The following RANBP17 variants were observed in gnomAD, a reference collection of about 807,000 sequenced individuals.
The protein encoded by RANBP17 is RAN binding protein 17, also known as ran-binding protein 17.
RANBP17 carries 158 observed loss-of-function variants against 141.2 expected under a neutral mutation model. The ratio of observed to expected loss-of-function variants is 1.12; its 90% CI spans 0.98 to 1.28. The LOEUF (loss-of-function observed/expected upper bound fraction) is 1.28, where lower values mean the gene tolerates loss of function less well. RANBP17 is among the 50% of genes most tolerant of loss of function. RANBP17 has a pLI of 0.00. For synonymous variants in RANBP17, 430 were observed against 450.0 expected (o/e 0.96, Z 0.56); for missense variants, 1,438 against 1,290.7 (o/e 1.11, Z -1.75).
chr5:170,961,053 C>A (rs1383247500), intron 13 of RANBP17, among the ~76,000 whole-genome samples: 1 of 152,042 alleles, frequency 6.6e-6, no homozygotes, highest in African/African-American at 2.4e-5. Context: ...GCCCCCTGCC[C>A]CTTTAGATGG....
intron 14 of RANBP17, among the ~76,000 whole-genome samples, chr5:171,153,748 C>T (rs1322955460): frequency 6.6e-6 from 1 of 152,144 alleles, no homozygotes; most frequent in African/African-American, 2.4e-5. Context: ...TCCACTTTTC[C>T]ATTCAAGATT....
intron 14 of RANBP17, among the ~76,000 whole-genome samples, chr5:171,028,431 C>G (rs1781356735): frequency 6.6e-6 from 1 of 152,028 alleles, no homozygotes; most frequent in South Asian, 2.1e-4. Flanking sequence ...AAGTTAACCT[C>G]TGTAAGATAT....
intron 5 of RANBP17, chr5:170,903,468 A>G (rs901968884): frequency 6.2e-6 from 1 of 161,970 alleles, no homozygotes; most frequent in Non-Finnish European, 1.4e-5. Context: ...TCCCTGGCTT[A>G]GCCCCCTTTC....
At chr5:171,050,511 A>G (rs566927334) in intron 14 of RANBP17, among the ~76,000 whole-genome samples, 2 of 152,216 alleles carry the variant, frequency 1.3e-5, no homozygotes, top group South Asian at 2.1e-4. Flanking sequence ...GCTTGAGCTC[A>G]GGAGTTCAAG....
intron 12 of RANBP17, among the ~76,000 whole-genome samples, chr5:170,948,348 CT>C (rs1774930618): frequency 6.6e-6 from 1 of 151,906 alleles, no homozygotes; most frequent in South Asian, 2.1e-4. Context: ...TTCCCAAAAA[CT>C]AATAAAAGAG....
At chr5:171,169,190 A>G (rs989748189) in intron 14 of RANBP17, among the ~76,000 whole-genome samples, 1 of 152,200 alleles carries the variant, frequency 6.6e-6, no homozygotes, top group East Asian at 1.9e-4. Flanking sequence ...TATAAAAAAC[A>G]AAAGACAGAG....
At chr5:170,932,394 T>C (rs1201610273) in intron 12 of RANBP17, among the ~76,000 whole-genome samples, 1 of 152,212 alleles carries the variant, frequency 6.6e-6, no homozygotes, top group East Asian at 1.9e-4. Flanking sequence ...TTGAATACCC[T>C]TTATTTCTTT....
At chr5:170,944,580 T>A (rs1319909191) in intron 12 of RANBP17, among the ~76,000 whole-genome samples, 2 of 152,222 alleles carry the variant, frequency 1.3e-5, no homozygotes, top group Non-Finnish European at 2.9e-5. Flanking sequence ...AATAATAATG[T>A]CTTTATATTT....
chr5:171,165,385 C>T (rs1759622409), intron 14 of RANBP17, among the ~76,000 whole-genome samples: 2 of 152,020 alleles, frequency 1.3e-5, no homozygotes, highest in Non-Finnish European at 2.9e-5. Context: ...ACCGTGTTGC[C>T]CAGGCTGGTC....
At chr5:171,151,001 G>C (rs1263596914) in intron 14 of RANBP17, among the ~76,000 whole-genome samples, 1 of 152,170 alleles carries the variant, frequency 6.6e-6, no homozygotes, top group Non-Finnish European at 1.5e-5. Context: ...TGAGGTCTCT[G>C]TAAAAAATTC....
intron 14 of RANBP17, among the ~76,000 whole-genome samples, chr5:171,028,200 A>G (rs147394892): frequency 6.6e-5 from 10 of 152,232 alleles, no homozygotes; most frequent in Non-Finnish European, 1.3e-4. Context: ...ACATTGTAGA[A>G]TCCTAATACT....
At chr5:171,179,442 TCA>T (rs1760737067) in intron 16 of RANBP17, among the ~76,000 whole-genome samples, 1 of 152,144 alleles carries the variant, frequency 6.6e-6, no homozygotes, top group Non-Finnish European at 1.5e-5. Context: ...AACTTACATT[TCA>T]GTTACTCTAC....
At chr5:171,267,341 G>A (rs1766789247) in intron 25 of RANBP17, among the ~76,000 whole-genome samples, 2 of 151,922 alleles carry the variant, frequency 1.3e-5, no homozygotes, top group South Asian at 4.1e-4. Context: ...ACTGCACCTA[G>A]CCCTATCACT....
rs142462079 is a variant in RANBP17 at position 170,961,898 on chromosome 5, G to C, written c.1575-6344G>C. ...TAATAAAGTGCTTGATTGTTTTCTT[G>C]AGCAAATGGCCACTCTGAATAAAGA... On this transcript the variant is annotated intron_variant, in intron 13 of 27. Transcript: ENST00000523189. 2.0e-3 allele frequency among the ~76,000 whole-genome samples: 298 copies of C among 152,190 alleles called. 1 individual carries two copies. The highest frequency in any genetic ancestry group is 6.9e-3 in the African/African-American group (285 of 41,544).
chr5:171,217,794 A>G (rs1426952085), intron 21 of RANBP17, among the ~76,000 whole-genome samples: 1 of 151,456 alleles, frequency 6.6e-6, no homozygotes, highest in African/African-American at 2.4e-5. Flanking sequence ...CTTCTTCTTT[A>G]TTAGTCTAGC....
intron 14 of RANBP17, among the ~76,000 whole-genome samples, chr5:171,119,631 CAT>C (rs1755878427): frequency 6.6e-6 from 1 of 152,122 alleles, no homozygotes; most frequent in African/African-American, 2.4e-5. Context: ...GTGGGTCTGT[CAT>C]ATATGGCTTT....
chr5:170,987,423 T>C (rs1778214156), intron 14 of RANBP17, among the ~76,000 whole-genome samples: 1 of 151,726 alleles, frequency 6.6e-6, no homozygotes, highest in South Asian at 2.1e-4. Context: ...TTAGTGCTTA[T>C]ATTTCAAGTT....
At chr5:170,985,064 CAT>C (rs938980714) in intron 14 of RANBP17, among the ~76,000 whole-genome samples, 14 of 151,052 alleles carry the variant, frequency 9.3e-5, no homozygotes, top group African/African-American at 2.7e-4. Context: ...CACACAGACA[CAT>C]ATACACACAC....
At chr5:171,265,089 A>C (rs1438550484) in intron 24 of RANBP17, among the ~76,000 whole-genome samples, 1 of 152,230 alleles carries the variant, frequency 6.6e-6, no homozygotes, top group East Asian at 1.9e-4. Context: ...AGCACTTTGC[A>C]CTAAGTAGAT....
Sources: allele counts gnomAD v4.1 joint callset (sites outside exome capture counted in the v4.1 genomes callset), GRCh38; gene constraint gnomAD v4.1.1; transcripts MANE v1.5; gene names NCBI Gene and HGNC (gene_info 2026-07-23, HGNC 2026-07-21).